MSI2: variants seen among roughly 807,000 people sequenced by gnomAD.
MSI2 encodes RNA-binding protein Musashi homolog 2.
A neutral mutation model predicts 45.6 loss-of-function variants in MSI2; 17 were observed. The observed-to-expected ratio is 0.37, with a 90% CI of 0.26 to 0.56. MSI2 has a LOEUF of 0.56. MSI2 is among the 20% of genes least tolerant of loss of function. The pLI is 0.77. For missense variants in MSI2, 293 were observed against 444.2 expected, an observed-to-expected ratio of 0.66 and a Z score of 3.06; for synonymous variants, 156 against 158.2, an observed-to-expected ratio of 0.99 and a Z score of 0.11.
At chr17:57,390,210 A>G (rs551896040) in intron 5 of MSI2, among the ~76,000 whole-genome samples, 50 of 152,336 alleles carry the variant, frequency 3.3e-4, no homozygotes, top group African/African-American at 1.0e-3. Context: ...AGCTATAGTC[A>G]TGCCACTGGC....
intron 11 of MSI2, among the ~76,000 whole-genome samples, chr17:57,665,850 G>A (rs1478979351): frequency 2.0e-5 from 3 of 152,170 alleles, no homozygotes; most frequent in Non-Finnish European, 2.9e-5. Flanking sequence ...CCCTCTGGCA[G>A]TGCCCTCTCT....
In MSI2 at chr17:57,350,656, C is replaced by T. The variant is rs538165436; in HGVS notation, c.313-50723C>T. 2.6e-4 allele frequency among the ~76,000 whole-genome samples: 39 copies of T among 152,246 alleles called. 1 individual carries two copies. In the South Asian group the frequency reaches 7.9e-3, roughly 31 times the overall value. ...CTGCCTTTGCGCAGGGGATCCCTGG[C>T]CCGGAAAGTGCTCAACCCCATCTTG... On this transcript the variant is annotated intron_variant, in intron 5 of 13. Coordinates refer to ENST00000284073, the MANE Select transcript of MSI2 (RefSeq NM_138962.4).
intron 7 of MSI2, among the ~76,000 whole-genome samples, chr17:57,577,289 G>C (rs1023007880): frequency 9.9e-5 from 15 of 152,168 alleles, no homozygotes; most frequent in Non-Finnish European, 1.5e-5. Context: ...ATGAAGTACC[G>C]AGGGGTGATG....
Position 57,655,077 on chromosome 17 carries a change from G to A in MSI2, c.790+2916G>A, listed in dbSNP as rs558688808. On this transcript the variant is annotated intron_variant, in intron 11 of 13. Coordinates refer to ENST00000284073, the MANE Select transcript of MSI2 (RefSeq NM_138962.4). Reference sequence around the variant, plus strand: ...GTGTCAGGGTAGGAGGTCTGGGGGGGCCTTGAGGTCTGTGCCCACCTCAGC... The same window carrying A: ...GTGTCAGGGTAGGAGGTCTGGGGGGACCTTGAGGTCTGTGCCCACCTCAGC... Among the ~76,000 whole-genome samples, 7 of 152,026 alleles carry A rather than the reference G, an allele frequency of 4.6e-5. No homozygotes were observed. The South Asian group carries it at 6.3e-4, about 14-fold the overall frequency.
chr17:57,385,319 C>T (rs1411332319), intron 5 of MSI2, among the ~76,000 whole-genome samples: 1 of 152,242 alleles, frequency 6.6e-6, no homozygotes, highest in African/African-American at 2.4e-5. Flanking sequence ...CTCATCTCCC[C>T]TCAGACCCTC....
chr17:57,644,508 A>G (rs1910507140), intron 10 of MSI2, among the ~76,000 whole-genome samples: 1 of 152,094 alleles, frequency 6.6e-6, no homozygotes, highest in Admixed American at 6.5e-5. Flanking sequence ...GGGAGGTGGG[A>G]GCATCCTGGG....
At chr17:57,439,260 G>A (rs1374053398) in intron 6 of MSI2, among the ~76,000 whole-genome samples, 1 of 152,196 alleles carries the variant, frequency 6.6e-6, no homozygotes, top group Non-Finnish European at 1.5e-5. Context: ...TGTGATTCAT[G>A]GGATTTTACA....
intron 5 of MSI2, among the ~76,000 whole-genome samples, chr17:57,330,950 C>A (rs1316136152): frequency 1.3e-5 from 2 of 151,750 alleles, no homozygotes; most frequent in Non-Finnish European, 2.9e-5. Flanking sequence ...CTCTGTACCC[C>A]AGGCTGGAGT....
chr17:57,257,624 G>A, intron 3 of MSI2, 77 bp downstream of exon 3: 1 of 1,087,438 alleles, frequency 9.2e-7, no homozygotes, highest in South Asian at 1.3e-5. Flanking sequence ...GTCTTCGGAA[G>A]TAGCTAAGCG....
intron 5 of MSI2, among the ~76,000 whole-genome samples, chr17:57,324,787 C>CT (rs1214462981): frequency 6.6e-6 from 1 of 152,204 alleles, no homozygotes; most frequent in Non-Finnish European, 1.5e-5. Context: ...GTGACAAGTG[C>CT]TGTCCCCACC....
the MSI2 span, among the ~76,000 whole-genome samples, chr17:57,690,806 T>C: frequency 2.0e-5 from 3 of 152,246 alleles, no homozygotes; most frequent in Non-Finnish European, 4.4e-5. Flanking sequence ...TTTATCAATC[T>C]TTTTAAATGG....
chr17:57,428,439 G>C (rs947706435), intron 6 of MSI2, among the ~76,000 whole-genome samples: 1 of 151,866 alleles, frequency 6.6e-6, no homozygotes, highest in African/African-American at 2.4e-5. Context: ...TGTCACCCAG[G>C]CTGGACCCAT....
chr17:57,635,079 T>C (rs1298617604), intron 10 of MSI2, among the ~76,000 whole-genome samples: 1 of 152,228 alleles, frequency 6.6e-6, no homozygotes, highest in Non-Finnish European at 1.5e-5. Flanking sequence ...GTGGAACGGC[T>C]ACTAGTAGAC....
At chr17:57,580,320 ATC>A (rs2088166842) in intron 7 of MSI2, among the ~76,000 whole-genome samples, 1 of 152,216 alleles carries the variant, frequency 6.6e-6, no homozygotes. Context: ...CTGAGGCAGC[ATC>A]TGTTTGCATC....
chr17:57,377,167 A>G lies in MSI2; in HGVS notation c.313-24212A>G, dbSNP rs546301250. ...GATCTCCTGACCTTGTGATCTGCCCACCTTGGCCTCCCAAAGTGCTGGGAC... is the reference window on the plus strand; with the variant it reads ...GATCTCCTGACCTTGTGATCTGCCCGCCTTGGCCTCCCAAAGTGCTGGGAC... On this transcript the variant is annotated intron_variant, in intron 5 of 13. Coordinates refer to ENST00000284073, the MANE Select transcript of MSI2 (RefSeq NM_138962.4). Among the ~76,000 whole-genome samples the G allele has an allele frequency of 7.2e-5, 11 of 152,098 alleles. No individual in the cohort carries two copies. In the South Asian group the frequency reaches 1.9e-3, roughly 26 times the overall value.
intron 5 of MSI2, among the ~76,000 whole-genome samples, chr17:57,348,526 G>A (rs777450600): frequency 1.3e-5 from 2 of 152,170 alleles, no homozygotes; most frequent in Non-Finnish European, 2.9e-5. Flanking sequence ...CTCACTCTAT[G>A]AGTTCTCATG....
At chr17:57,472,518 A>G (rs1263633516) in intron 6 of MSI2, among the ~76,000 whole-genome samples, 1 of 151,274 alleles carries the variant, frequency 6.6e-6, no homozygotes, top group African/African-American at 2.4e-5. Flanking sequence ...GGAGGGGGCC[A>G]GTGTCCTAGA....
At chr17:57,296,069 T>G (rs1301261126) in intron 5 of MSI2, among the ~76,000 whole-genome samples, 1 of 143,390 alleles carries the variant, frequency 7.0e-6, no homozygotes, top group Non-Finnish European at 1.5e-5. Context: ...AATAATCCTC[T>G]CTGGTCATCA....
intron 5 of MSI2, among the ~76,000 whole-genome samples, chr17:57,327,396 T>C (rs1413541886): frequency 6.6e-6 from 1 of 152,238 alleles, no homozygotes; most frequent in Non-Finnish European, 1.5e-5. Context: ...GTGCCTTTTC[T>C]CTTGCTTCAG....
Sources: gnomAD v4.1 joint callset for allele counts (sites outside exome capture counted in the v4.1 genomes callset) on GRCh38, gnomAD v4.1.1 for gene constraint, MANE v1.5 for transcripts, NCBI Gene and HGNC (gene_info 2026-07-23, HGNC 2026-07-21) for gene names.